The following CA5B variants were observed in gnomAD, a reference collection of about 807,000 sequenced individuals.
The protein encoded by CA5B is carbonic anhydrase 5B, mitochondrial.
A neutral mutation model predicts 23.1 loss-of-function variants in CA5B; 15 were observed. The ratio of observed to expected loss-of-function variants is 0.65; its 90% confidence interval spans 0.43 to 1.00. The LOEUF (loss-of-function observed/expected upper bound fraction) is 1.00, where lower values mean the gene tolerates loss of function less well. Ranked by LOEUF, CA5B falls within the 50% of genes least tolerant of loss-of-function variation. The pLI, the probability that CA5B is intolerant of heterozygous loss-of-function variation, is 0.00. For synonymous variants in CA5B, 84 were observed against 98.5 expected, an observed-to-expected ratio of 0.85 and a Z score of 0.87; for missense variants, 236 against 252.2, an observed-to-expected ratio of 0.94 and a Z score of 0.43.
chrX:15,743,447 G>A (rs1931162562), intron 1 of CA5B, among the ~76,000 whole-genome samples: 2 of 112,189 alleles, frequency 1.8e-5, no homozygotes, highest in Non-Finnish European at 3.8e-5. Flanking sequence ...CTCCATAAGG[G>A]TAAGGGCTTT....
At chrX:15,771,204 CAAAAA>C (rs758945690) in intron 3 of CA5B, among the ~76,000 whole-genome samples, 3 of 30,191 alleles carry the variant, frequency 9.9e-5, no homozygotes, top group Admixed American at 1.0e-3. Flanking sequence ...CTCATCTCTA[CAAAAA>C]AAAAAAAAAA....
intron 4 of CA5B, 73 bp downstream of exon 4, chrX:15,772,687 C>A: frequency 1.8e-6 from 1 of 562,069 alleles, no homozygotes. Flanking sequence ...AGTTGTAAGA[C>A]ATTATTAGAA....
At chrX:15,760,586 G>A (rs1931584768) in intron 2 of CA5B, among the ~76,000 whole-genome samples, 1 of 111,668 alleles carries the variant, frequency 9.0e-6, no homozygotes, top group Non-Finnish European at 1.9e-5. Context: ...TCATGCATGA[G>A]ATGGGGAAAA....
rs866472835 is a variant in CA5B, at chrX:15,784,632, G to A, written c.*1968G>A. ...TTTGTCATCTGGTCTGCAAGATAGG[G>A]TTGGATGAATATACTTAACACTACT... is the stretch of plus-strand genomic sequence containing the variant. On this transcript the variant is annotated 3_prime_UTR_variant, in exon 8 of 8. Transcript: ENST00000318636. 5.4e-5 allele frequency: 6 copies of A among 112,111 alleles called. No individual in the cohort carries two copies. The highest frequency in any genetic ancestry group is 9.1e-3 in the Middle Eastern group (2 of 219). 9.2% of individuals were successfully genotyped at this position (112,111 alleles called of 1,213,427 possible).
rs1931589127 is a variant in CA5B at position 15,760,776 on chromosome X, G to T, written c.143-3802G>T. Among the ~76,000 whole-genome samples the T allele has an allele frequency of 2.7e-5, 3 of 111,527 alleles. No homozygotes were observed. The Admixed American group carries it at 2.9e-4, about 11-fold the overall frequency. On this transcript the variant is annotated intron_variant, in intron 2 of 7. Transcript: ENST00000318636. ...TTTGTGTCAGGAATCTTTACAAACA[G>T]AATCAGGGCCTTTCAAGGGCTTTCT...
At chrX:15,762,381 G>A (rs1194307533) in intron 2 of CA5B, among the ~76,000 whole-genome samples, 2 of 111,144 alleles carry the variant, frequency 1.8e-5, no homozygotes, top group Non-Finnish European at 3.8e-5. Context: ...GGAAATAGGA[G>A]ATGATGCTGC....
intron 5 of CA5B, 126 bp downstream of exon 5, chrX:15,774,523 A>G (rs999431509): frequency 1.2e-6 from 1 of 853,715 alleles, no homozygotes; most frequent in African/African-American, 2.0e-5. Context: ...TAGTGCTTGA[A>G]GTACAGGATT....
At chrX:15,764,502 A>G in intron 2 of CA5B, 76 bp from the exon 3 acceptor site, 2 of 1,180,441 alleles carry the variant, frequency 1.7e-6, no homozygotes, top group Admixed American at 2.3e-5. Context: ...GGCCTCCCCA[A>G]GTGCTGGGAT....
intron 4 of CA5B, among the ~76,000 whole-genome samples, chrX:15,773,107 C>T (rs1458170015): frequency 9.0e-6 from 1 of 111,243 alleles, no homozygotes; most frequent in East Asian, 2.8e-4. Context: ...ATAATGCACT[C>T]ATAACTGATG....
chrX:15,772,462 ACT>A (rs757750278), intron 3 of CA5B, 32 bp from the exon 4 acceptor site: 37 of 1,003,290 alleles, frequency 3.7e-5, no homozygotes, highest in Non-Finnish European at 5.1e-5. Flanking sequence ...TGCACAAATA[ACT>A]CTTCCCTGAA....
chrX:15,782,953 A>G lies in CA5B; in HGVS notation c.*289A>G, dbSNP rs979260508. ...GAGTGCAGTGGCCAAATGATAGCTC[A>G]CTGCAGCCTTGAACTCCTAGGCTCA... On this transcript the variant is annotated 3_prime_UTR_variant, in exon 8 of 8. Coordinates refer to ENST00000318636, the MANE Select transcript of CA5B (RefSeq NM_007220.4). 2.6e-4 allele frequency: 59 copies of G among 230,345 alleles called. No homozygotes were observed. Among genetic ancestry groups the G allele is most frequent in the African/African-American group, 1.4e-3 (50 of 34,732 alleles). 19.0% of individuals were successfully genotyped at this position (230,345 alleles called of 1,213,427 possible).
chrX:15,774,152 A>G (rs1286471720), intron 4 of CA5B, 150 bp from the exon 5 acceptor site: 5 of 458,227 alleles, frequency 1.1e-5, no homozygotes, highest in Admixed American at 1.1e-4. Flanking sequence ...CTTTGTTTCT[A>G]TCTCATTTTG....
chrX:15,766,155 CAAAAAAAA>C (rs58783397), intron 3 of CA5B, among the ~76,000 whole-genome samples: 1 of 41,239 alleles, frequency 2.4e-5, no homozygotes, highest in Non-Finnish European at 4.3e-5. Flanking sequence ...GACTCTGTCT[CAAAAAAAA>C]AAAAAAAAAA....
intron 2 of CA5B, among the ~76,000 whole-genome samples, chrX:15,762,511 G>A (rs1283026284): frequency 9.3e-6 from 1 of 107,597 alleles, no homozygotes; most frequent in Non-Finnish European, 1.9e-5. Flanking sequence ...GCGCAATCTC[G>A]GCTCACTACA....
At chrX:15,764,329 A>T (rs1200492899) in intron 2 of CA5B, among the ~76,000 whole-genome samples, 2 of 107,928 alleles carry the variant, frequency 1.9e-5, no homozygotes, top group East Asian at 5.8e-4. Context: ...AACAGCCTCG[A>T]CCTCCCGGGC....
chrX:15,752,963 T>C (rs1931406856), intron 2 of CA5B, among the ~76,000 whole-genome samples: 1 of 111,236 alleles, frequency 9.0e-6, no homozygotes, highest in Non-Finnish European at 1.9e-5. Context: ...CCAGAAAATG[T>C]TTAAATTTAC....
rs747596599 is a variant in CA5B at position 15,752,210 on chromosome X, C to G, written c.142+2045C>G. ...TTTTTTTTTTATCTTGCCCAAATTC[C>G]TATCTAAGGGGTCTGGGGAGTCATG... On this transcript the variant is annotated intron_variant, in intron 2 of 7. Coordinates refer to ENST00000318636, the MANE Select transcript of CA5B (RefSeq NM_007220.4). 1.4e-4 allele frequency among the ~76,000 whole-genome samples: 16 copies of G among 110,725 alleles called. No individual in the cohort carries two copies. In the South Asian group the frequency reaches 5.7e-3, roughly 39 times the overall value.
intron 3 of CA5B, among the ~76,000 whole-genome samples, chrX:15,765,817 A>G (rs1387858385): frequency 9.1e-6 from 1 of 110,478 alleles, no homozygotes; most frequent in Non-Finnish European, 1.9e-5. Flanking sequence ...TCTTGATCTC[A>G]AGGAAACTTG....
intron 3 of CA5B, among the ~76,000 whole-genome samples, chrX:15,765,089 A>G (rs2147263190): frequency 8.9e-6 from 1 of 112,185 alleles, no homozygotes; most frequent in South Asian, 3.7e-4. Flanking sequence ...GTGTATATTG[A>G]ATATGTACTA....
Sources: allele counts gnomAD v4.1 joint callset (sites outside exome capture counted in the v4.1 genomes callset), GRCh38; gene constraint gnomAD v4.1.1; transcripts MANE v1.5; gene names NCBI Gene and HGNC (gene_info 2026-07-23, HGNC 2026-07-21).